Variants in DLG2 observed in about 807,000 individuals in gnomAD.
DLG2 encodes discs large MAGUK scaffold protein 2.
Under a neutral mutation model 132.5 loss-of-function variants are expected in DLG2, and 45 were observed. The observed-to-expected ratio is 0.34, with a 90% CI of 0.27 to 0.44. The LOEUF is 0.44. Among genes scored for constraint, DLG2 ranks in the 20% least tolerant of loss-of-function variants. The probability of loss-of-function intolerance (pLI) is 1.00; values close to 1 mark genes in which losing one functional copy is unlikely to be tolerated. For synonymous variants in DLG2, 424 were observed against 419.6 expected (o/e 1.01, Z -0.13); for missense variants, 1,045 against 1,196.9 (o/e 0.87, Z 1.87).
chr11:84,387,889 G>C (rs1291891410), intron 7 of DLG2, among the ~76,000 whole-genome samples: 1 of 152,138 alleles, frequency 6.6e-6, no homozygotes, highest in Non-Finnish European at 1.5e-5. Context: ...AGAAGGGCTG[G>C]CTAATATCTA....
At chr11:83,779,452 C>T (rs975778627) in intron 18 of DLG2, among the ~76,000 whole-genome samples, 7 of 152,078 alleles carry the variant, frequency 4.6e-5, no homozygotes, top group African/African-American at 1.7e-4. Context: ...GAAAGTGATG[C>T]AGTATGCCCG....
chr11:84,273,041 CTA>C, intron 7 of DLG2: 1 of 967,542 alleles, frequency 1.0e-6, no homozygotes, highest in Non-Finnish European at 1.4e-6. Flanking sequence ...GAGAAAATAA[CTA>C]TGATCATCAA....
At chr11:85,393,313 C>A (rs1166797469) in intron 3 of DLG2, among the ~76,000 whole-genome samples, 1 of 151,954 alleles carries the variant, frequency 6.6e-6, no homozygotes, top group Non-Finnish European at 1.5e-5. Context: ...ATTCAAAACA[C>A]CAAAAAATAA....
intron 6 of DLG2, among the ~76,000 whole-genome samples, chr11:84,815,400 T>C (rs2076988478): frequency 6.6e-6 from 1 of 152,066 alleles, no homozygotes. Flanking sequence ...CAGTAATATC[T>C]GGCTTACATA....
At chr11:84,976,375 G>C (rs563287482) in intron 6 of DLG2, among the ~76,000 whole-genome samples, 1 of 152,206 alleles carries the variant, frequency 6.6e-6, no homozygotes, top group South Asian at 2.1e-4. Context: ...GAGTATATCA[G>C]CTCTAGAAAG....
rs555092182 is a variant in DLG2 at position 84,364,225 on chromosome 11, C to T, written c.520-112934G>A. Among the ~76,000 whole-genome samples, 466 of 152,106 alleles carry T rather than the reference C, an allele frequency of 3.1e-3. 2 individuals carry two copies. The highest frequency in any genetic ancestry group is 0.011 in the African/African-American group (437 of 41,418). On this transcript the variant is annotated intron_variant, in intron 7 of 27. Coordinates refer to ENST00000376104, the MANE Select transcript of DLG2 (RefSeq NM_001142699.3). ...TAGTTCTCCTTGAAGAGGTCCTTCA[C>T]ATCCCTTGTAAGTTGGATTCCTAGG...
At chr11:84,970,149 C>T (rs2154114080) in intron 6 of DLG2, among the ~76,000 whole-genome samples, 1 of 152,106 alleles carries the variant, frequency 6.6e-6, no homozygotes, top group East Asian at 1.9e-4. Flanking sequence ...ACATGTATCC[C>T]AGAACTTACA....
At chr11:85,184,918 T>A (rs1566978989) in intron 4 of DLG2, among the ~76,000 whole-genome samples, 1 of 151,980 alleles carries the variant, frequency 6.6e-6, no homozygotes, top group East Asian at 1.9e-4. Flanking sequence ...AACAAATGTA[T>A]CAAGTTGTTA....
chr11:84,848,795 T>C (rs1215324958), intron 6 of DLG2, among the ~76,000 whole-genome samples: 1 of 152,158 alleles, frequency 6.6e-6, no homozygotes, highest in Non-Finnish European at 1.5e-5. Context: ...CATGGGTCAC[T>C]TGGGGCCAGA....
chr11:85,433,107 G>T (rs750095572), intron 3 of DLG2, among the ~76,000 whole-genome samples: 3 of 152,018 alleles, frequency 2.0e-5, no homozygotes, highest in Non-Finnish European at 2.9e-5. Flanking sequence ...CCTTATCATA[G>T]AGCAAATGCT....
intron 21 of DLG2, among the ~76,000 whole-genome samples, chr11:83,502,519 A>G (rs1387835755): frequency 1.3e-5 from 2 of 152,128 alleles, no homozygotes; most frequent in Non-Finnish European, 2.9e-5. Context: ...ATCAATCCCC[A>G]AGGGCTATGA....
intron 6 of DLG2, among the ~76,000 whole-genome samples, chr11:84,731,775 C>T (rs1007122560): frequency 4.6e-5 from 7 of 151,842 alleles, no homozygotes; most frequent in Admixed American, 2.6e-4. Context: ...GATTTATTGG[C>T]GTAGAACTGA....
chr11:83,930,162 CAA>C (rs1315545369), intron 15 of DLG2, among the ~76,000 whole-genome samples, 164 bp downstream of exon 15: 1 of 152,156 alleles, frequency 6.6e-6, no homozygotes, highest in African/African-American at 2.4e-5. Flanking sequence ...AACAAAAAGG[CAA>C]TGTTCTTAAT....
chr11:84,952,978 T>C (rs2051160634), intron 6 of DLG2, among the ~76,000 whole-genome samples: 1 of 152,232 alleles, frequency 6.6e-6, no homozygotes, highest in African/African-American at 2.4e-5. Flanking sequence ...AGCTTGTTCA[T>C]TCCACTTTGT....
At chr11:83,593,841 G>C (rs2097237384) in intron 19 of DLG2, among the ~76,000 whole-genome samples, 1 of 149,218 alleles carries the variant, frequency 6.7e-6, no homozygotes, top group South Asian at 2.1e-4. Context: ...CTCACTGCTT[G>C]AAAAAAAAAG....
chr11:85,533,272 C>T (rs2075342451), intron 3 of DLG2, among the ~76,000 whole-genome samples: 1 of 152,070 alleles, frequency 6.6e-6, no homozygotes, highest in South Asian at 2.1e-4. Context: ...GATCCACCCA[C>T]CTCAGCCTCC....
intron 6 of DLG2, among the ~76,000 whole-genome samples, chr11:84,879,648 A>G (rs1434625893): frequency 6.6e-6 from 1 of 152,116 alleles, no homozygotes; most frequent in Non-Finnish European, 1.5e-5. Context: ...AAGCAAAAGT[A>G]CTGGTTTTTA....
chr11:85,208,849 A>T (rs745883741), intron 4 of DLG2, among the ~76,000 whole-genome samples: 26 of 152,116 alleles, frequency 1.7e-4, no homozygotes, highest in Non-Finnish European at 3.4e-4. Context: ...ATTGCAAACA[A>T]GGGAGGGATA....
chr11:85,435,298 TG>T (rs1026334648), intron 3 of DLG2, among the ~76,000 whole-genome samples: 1 of 152,132 alleles, frequency 6.6e-6, no homozygotes, highest in African/African-American at 2.4e-5. Flanking sequence ...TTCAACATAG[TG>T]TTGGAAGTTC....
Sources: allele counts gnomAD v4.1 joint callset (sites outside exome capture counted in the v4.1 genomes callset), GRCh38; gene constraint gnomAD v4.1.1; transcripts MANE v1.5; gene names NCBI Gene and HGNC (gene_info 2026-07-23, HGNC 2026-07-21).